RABGEF1: variants seen among roughly 807,000 people sequenced by gnomAD.
The protein encoded by RABGEF1 is rab5 GDP/GTP exchange factor.
Under a neutral mutation model 57.3 loss-of-function variants are expected in RABGEF1, and 26 were observed. The observed-to-expected ratio is 0.45, with a 90% CI of 0.33 to 0.63. The LOEUF is 0.63. RABGEF1 is among the 20% of genes least tolerant of loss of function. The pLI is 0.02. For synonymous variants in RABGEF1, 185 were observed against 210.7 expected, an observed-to-expected ratio of 0.88 and a Z score of 1.06; for missense variants, 464 against 607.6, an observed-to-expected ratio of 0.76 and a Z score of 2.48.
At chr7:66,695,077 C>T (rs1358502565) in intron 1 of RABGEF1, among the ~76,000 whole-genome samples, 2 of 151,952 alleles carry the variant, frequency 1.3e-5, no homozygotes, top group African/African-American at 2.4e-5. Flanking sequence ...TTTGGGAGGC[C>T]GAGGCGGGCG....
chr7:66,715,502 A>G (rs1352933276), intron 2 of RABGEF1, among the ~76,000 whole-genome samples: 1 of 152,116 alleles, frequency 6.6e-6, no homozygotes, highest in East Asian at 1.9e-4. Flanking sequence ...AAGTTTTGAC[A>G]TGTTCTATTT....
At chr7:66,762,305 T>C (rs1468334158) in intron 1 of RABGEF1, among the ~76,000 whole-genome samples, 1 of 152,088 alleles carries the variant, frequency 6.6e-6, no homozygotes, top group Non-Finnish European at 1.5e-5. Context: ...AAATAGGACA[T>C]GGAGGCTGGG....
chr7:66,739,137 A>G (rs1489938936), upstream of RABGEF1, among the ~76,000 whole-genome samples: 1 of 151,656 alleles, frequency 6.6e-6, no homozygotes, highest in African/African-American at 2.4e-5. Flanking sequence ...TTTAGTAGAG[A>G]CAGGGTTTCT....
chr7:66,713,512 T>C (rs1188367979), intron 2 of RABGEF1, among the ~76,000 whole-genome samples: 1 of 152,200 alleles, frequency 6.6e-6, no homozygotes, highest in Non-Finnish European at 1.5e-5. Flanking sequence ...GTATGCTCTT[T>C]ATTTCTTTTC....
rs778036678 is a variant in RABGEF1 at position 66,797,385 on chromosome 7, A to G, written c.607A>G (p.Arg203Gly). ...MQTRGKVPPE[R>G]VEKIMDQIEK... is the part of the protein sequence containing the mutation. Reference sequence around the variant, plus strand: ...TCTGGTTATTTCAGTGCCTCCAGAAAGAGTCGAGAAGATAATGGATCAGAT... The same window carrying G: ...TCTGGTTATTTCAGTGCCTCCAGAAGGAGTCGAGAAGATAATGGATCAGAT... Residue 203 changes from arginine (R) to glycine (G), a missense_variant, in exon 6 of 9, where the codon AGA becomes GGA. Arg to Gly is a moderately radical substitution (Grantham distance 125). This residue lies in a region of RABGEF1 where 284 missense variants were observed against 389.9 expected (regional missense o/e 0.73). Coordinates refer to ENST00000284957, the MANE Select transcript of RABGEF1 (RefSeq NM_014504.3). 2.5e-6 allele frequency: 4 copies of G among 1,609,646 alleles called. No homozygotes were observed. Among genetic ancestry groups the G allele is most frequent in the South Asian group, 1.1e-5 (1 of 90,106 alleles).
intron 1 of RABGEF1, among the ~76,000 whole-genome samples, chr7:66,763,503 G>GT (rs1253236805): frequency 6.6e-6 from 1 of 152,146 alleles, no homozygotes; most frequent in African/African-American, 2.4e-5. Flanking sequence ...TGTCTCTTCT[G>GT]TTTTTTAAAA....
rs1562902526 is a variant in RABGEF1, at chr7:66,811,136, C to T, written c.*1852C>T. On this transcript the variant is annotated 3_prime_UTR_variant, in exon 9 of 9. Transcript: ENST00000284957. ...TTAATTCCTTTGGAAATACACAGTT[C>T]GTTTAGTTACTGTACACTCTGTTTG... is the stretch of plus-strand genomic sequence containing the variant. 1 of 151,382 alleles carries T rather than the reference C, an allele frequency of 6.6e-6. No homozygotes were observed. The allele number at this position is 151,382 out of a possible 1,614,324, so 9.4% of individuals were successfully genotyped here. A position where few individuals can be genotyped will look rare whatever the true frequency, so the allele number is the denominator to read the frequency against.
At chr7:66,720,092 C>T (rs1352461246) in intron 2 of RABGEF1, among the ~76,000 whole-genome samples, 5 of 151,478 alleles carry the variant, frequency 3.3e-5, no homozygotes, top group African/African-American at 1.2e-4. Flanking sequence ...AATATATTAA[C>T]AGAAGAAAGG....
chr7:66,802,790 C>G (rs2129184780), intron 7 of RABGEF1, among the ~76,000 whole-genome samples: 1 of 152,258 alleles, frequency 6.6e-6, no homozygotes, highest in African/African-American at 2.4e-5. Context: ...CTTTTTCCAC[C>G]CCAGCCCTGC....
At chr7:66,731,609 C>G (rs1284610258) in intron 2 of RABGEF1, among the ~76,000 whole-genome samples, 1 of 151,978 alleles carries the variant, frequency 6.6e-6, no homozygotes, top group African/African-American at 2.4e-5. Flanking sequence ...TCCTACTACT[C>G]AGGAGGCTGA....
At chr7:66,735,487 C>T (rs888466956) in intron 2 of RABGEF1, among the ~76,000 whole-genome samples, 1 of 152,212 alleles carries the variant, frequency 6.6e-6, no homozygotes, top group African/African-American at 2.4e-5. Context: ...GTAAAATGGA[C>T]TTCTGGGAGG....
chr7:66,713,795 T>C (rs1584877251), intron 2 of RABGEF1, among the ~76,000 whole-genome samples: 1 of 152,238 alleles, frequency 6.6e-6, no homozygotes, highest in Non-Finnish European at 1.5e-5. Flanking sequence ...CATATTGATA[T>C]ATTGATTATT....
At chr7:66,792,295 G>A (rs1812891193) in intron 4 of RABGEF1, among the ~76,000 whole-genome samples, 1 of 152,108 alleles carries the variant, frequency 6.6e-6, no homozygotes, top group African/African-American at 2.4e-5. Context: ...TGCCCCTTTG[G>A]CAAACACTGT....
intron 6 of RABGEF1, among the ~76,000 whole-genome samples, 200 bp from the exon 7 acceptor site, chr7:66,799,123 A>G (rs538025508): frequency 6.6e-6 from 1 of 152,300 alleles, no homozygotes; most frequent in East Asian, 1.9e-4. Flanking sequence ...CATTCTTGTG[A>G]TAAATGCAGA....
chr7:66,795,056 G>A (rs1051093520), intron 4 of RABGEF1, among the ~76,000 whole-genome samples: 5 of 152,292 alleles, frequency 3.3e-5, no homozygotes, highest in Admixed American at 6.5e-5. Flanking sequence ...CCTGCCCACC[G>A]GGGTGGAGTT....
intron 3 of RABGEF1, among the ~76,000 whole-genome samples, chr7:66,779,897 CTT>C (rs1562840881): frequency 6.6e-6 from 1 of 152,182 alleles, no homozygotes; most frequent in Non-Finnish European, 1.5e-5. Context: ...CTGTCTCTCA[CTT>C]TCCCCTCTCT....
At chr7:66,696,168 C>T (rs1792302007) in intron 1 of RABGEF1, among the ~76,000 whole-genome samples, 1 of 152,070 alleles carries the variant, frequency 6.6e-6, no homozygotes, top group Non-Finnish European at 1.5e-5. Flanking sequence ...TGGGCTCAAG[C>T]TATCCTCTCG....
chr7:66,783,916 C>A, intron 4 of RABGEF1, 75 bp downstream of exon 4: 1 of 1,330,974 alleles, frequency 7.5e-7, no homozygotes, highest in South Asian at 1.7e-5. Flanking sequence ...ATAGTGCAAC[C>A]TTGTCATTTT....
upstream of RABGEF1, among the ~76,000 whole-genome samples, chr7:66,678,180 G>A (rs1292270702): frequency 6.6e-6 from 1 of 152,114 alleles, no homozygotes; most frequent in Non-Finnish European, 1.5e-5. Context: ...ATCTACCCAT[G>A]AGATGCCTTC....
Sources: allele counts gnomAD v4.1 joint callset (sites outside exome capture counted in the v4.1 genomes callset), GRCh38; gene constraint gnomAD v4.1.1; regional missense constraint gnomAD v4.1.1; transcripts MANE v1.5; gene names NCBI Gene and HGNC (gene_info 2026-07-23, HGNC 2026-07-21).